Variants in OCA2 observed in about 807,000 individuals in gnomAD.
OCA2 encodes the protein P protein.
Under a neutral mutation model 100.2 loss-of-function variants are expected in OCA2, and 77 were observed. The ratio of observed to expected loss-of-function variants is 0.77; its 90% confidence interval spans 0.64 to 0.93. The LOEUF is 0.93. Among genes scored for constraint, OCA2 ranks in the 40% least tolerant of loss-of-function variants. The pLI is 0.00. For missense variants in OCA2, 1,062 were observed against 1,089.1 expected (o/e 0.98, Z 0.35); for synonymous variants, 432 against 439.2 (o/e 0.98, Z 0.21).
chr15:28,028,710 G>C (rs1002556936), intron 3 of OCA2, among the ~76,000 whole-genome samples: 1 of 152,094 alleles, frequency 6.6e-6, no homozygotes, highest in African/African-American at 2.4e-5. Flanking sequence ...TTTTGAGACA[G>C]AGTCTTGCTC....
intron 23 of OCA2, among the ~76,000 whole-genome samples, chr15:27,809,797 A>C (rs1273387095): frequency 1.3e-5 from 2 of 152,204 alleles, no homozygotes; most frequent in Non-Finnish European, 2.9e-5. Context: ...AATACCTAGG[A>C]ATATATTTAA....
intron 23 of OCA2, among the ~76,000 whole-genome samples, chr15:27,782,253 T>A (rs1370002954): frequency 1.3e-5 from 2 of 152,214 alleles, no homozygotes; most frequent in Non-Finnish European, 2.9e-5. Context: ...CAGCCCCAGA[T>A]AGAGCAACCT....
At chr15:28,024,103 G>A (rs1007292139) in intron 5 of OCA2, among the ~76,000 whole-genome samples, 4 of 152,176 alleles carry the variant, frequency 2.6e-5, no homozygotes, top group African/African-American at 9.7e-5. Context: ...ACCTGTGACT[G>A]TCGCCTCGGA....
chr15:28,095,107 C>T (rs2044949124), intron 1 of OCA2, among the ~76,000 whole-genome samples: 1 of 152,254 alleles, frequency 6.6e-6, no homozygotes, highest in South Asian at 2.1e-4. Context: ...TCACCGCCTC[C>T]TGCCCAGGTC....
chr15:27,770,339 C>T (rs2031624558), intron 23 of OCA2, among the ~76,000 whole-genome samples: 1 of 152,170 alleles, frequency 6.6e-6, no homozygotes, highest in Non-Finnish European at 1.5e-5. Context: ...CAACGCGGGG[C>T]CGGGCGAGGC....
chr15:27,722,772 T>TCTTTCTCTC, the OCA2 span, among the ~76,000 whole-genome samples: 3 of 80,012 alleles, frequency 3.7e-5, no homozygotes, highest in East Asian at 8.7e-4. Context: ...TTTCTTTCTT[T>TCTTTCTCTC]TCTTTCTTTC....
chr15:28,084,940 C>A (rs2044751933), intron 1 of OCA2, among the ~76,000 whole-genome samples: 1 of 152,180 alleles, frequency 6.6e-6, no homozygotes, highest in African/African-American at 2.4e-5. Flanking sequence ...GGGGGACATC[C>A]ACCACTTTGC....
intron 9 of OCA2, among the ~76,000 whole-genome samples, chr15:28,011,530 G>GA (rs112437786): frequency 0.033 from 4,516 of 138,946 alleles, 229 homozygotes; most frequent in African/African-American, 0.11. Flanking sequence ...AAGTAAAACT[G>GA]AAAAAAAAAA....
chr15:27,916,124 A>G (rs2038654103), intron 19 of OCA2, among the ~76,000 whole-genome samples: 1 of 152,216 alleles, frequency 6.6e-6, no homozygotes, highest in South Asian at 2.1e-4. Flanking sequence ...TTTCATTATT[A>G]TAAGTAGGAG....
chr15:27,993,077 T>C (rs931680357), intron 9 of OCA2, among the ~76,000 whole-genome samples: 1 of 152,110 alleles, frequency 6.6e-6, no homozygotes, highest in African/African-American at 2.4e-5. Flanking sequence ...TGAGCCAAGA[T>C]TGCACCACTG....
In OCA2 at chr15:28,080,848, A is replaced by C. The variant is rs371514370; in HGVS notation, c.227+800T>G. ...ACTGCAAATTATGGGTTTGCAGTAT[A>C]AGCATTGACATGTAAAAACCATTCA... On this transcript the variant is annotated intron_variant, in intron 2 of 23. Transcript: ENST00000354638. 4.1e-4 allele frequency among the ~76,000 whole-genome samples: 63 copies of C among 152,374 alleles called. No individual in the cohort carries two copies. The East Asian group carries it at 7.5e-3, about 18-fold the overall frequency.
intron 3 of OCA2, among the ~76,000 whole-genome samples, chr15:28,030,355 G>A (rs1223857748): frequency 6.6e-6 from 1 of 152,186 alleles, no homozygotes; most frequent in African/African-American, 2.4e-5. Context: ...GAGAGCACAG[G>A]AGAAGCACTG....
rs112349686 is a variant in OCA2 at position 27,787,850 on chromosome 15, C to T, written c.2433-32378G>A. ...ATATTCTCAGATTTTTCTTCTTTTCCGTCATAGTCCTTCAACTCCATAAAT... is the reference window on the plus strand; with the variant it reads ...ATATTCTCAGATTTTTCTTCTTTTCTGTCATAGTCCTTCAACTCCATAAAT... On this transcript the variant is annotated intron_variant, in intron 23 of 23. Transcript: ENST00000354638. Among the ~76,000 whole-genome samples the T allele has an allele frequency of 6.2e-3, 932 of 151,532 alleles. 16 individuals carry two copies. The highest frequency in any genetic ancestry group is 0.021 in the African/African-American group (867 of 41,392).
At chr15:27,824,553 C>T (rs570503066) in intron 23 of OCA2, among the ~76,000 whole-genome samples, 1 of 125,402 alleles carries the variant, frequency 8.0e-6, no homozygotes, top group South Asian at 2.8e-4. Flanking sequence ...CTGGCAAAAC[C>T]TAATTTCTTT....
intron 23 of OCA2, among the ~76,000 whole-genome samples, chr15:27,804,866 C>T (rs2033762225): frequency 6.6e-6 from 1 of 152,238 alleles, no homozygotes; most frequent in African/African-American, 2.4e-5. Context: ...GAGGTGTTCA[C>T]TCATTTATGC....
At chr15:27,806,849 G>A (rs1372301086) in intron 23 of OCA2, among the ~76,000 whole-genome samples, 1 of 152,250 alleles carries the variant, frequency 6.6e-6, no homozygotes, top group Non-Finnish European at 1.5e-5. Flanking sequence ...CAGGTGGGAA[G>A]CAGCTGCATG....
In OCA2 at chr15:27,816,303, C is replaced by T. The variant is rs570275501; in HGVS notation, c.2432+28656G>A. ...CCAACACAGAAACTCAGAATGTTCACGCAGAATCATCGGGAAGTGTAAGGC... is the reference window on the plus strand; with the variant it reads ...CCAACACAGAAACTCAGAATGTTCATGCAGAATCATCGGGAAGTGTAAGGC... On this transcript the variant is annotated intron_variant, in intron 23 of 23. Transcript: ENST00000354638. Among the ~76,000 whole-genome samples the T allele has an allele frequency of 2.6e-5, 4 of 152,328 alleles. No homozygotes were observed. In the South Asian group the frequency reaches 6.2e-4, roughly 24 times the overall value.
chr15:27,928,729 C>G (rs2039137279), intron 18 of OCA2, among the ~76,000 whole-genome samples: 1 of 152,204 alleles, frequency 6.6e-6, no homozygotes, highest in Admixed American at 6.5e-5. Flanking sequence ...TCTTCAAAGT[C>G]AGCAATGTCC....
chr15:27,826,187 T>G (rs1332963485), intron 23 of OCA2, among the ~76,000 whole-genome samples: 1 of 152,180 alleles, frequency 6.6e-6, no homozygotes, highest in Non-Finnish European at 1.5e-5. Flanking sequence ...AGTGGAAACT[T>G]CCCCAGGCGC....
Sources: allele counts gnomAD v4.1 joint callset (sites outside exome capture counted in the v4.1 genomes callset), GRCh38; gene constraint gnomAD v4.1.1; transcripts MANE v1.5; gene names NCBI Gene and HGNC (gene_info 2026-07-23, HGNC 2026-07-21).